The following PTPRD variants were observed in gnomAD, a reference collection of about 807,000 sequenced individuals.
PTPRD encodes receptor-type tyrosine-protein phosphatase delta.
Under a neutral mutation model 214.5 loss-of-function variants are expected in PTPRD, and 34 were observed. That is an observed-to-expected ratio of 0.16 (90% CI 0.12 to 0.21). The LOEUF (loss-of-function observed/expected upper bound fraction) is 0.21. Among genes scored for constraint, PTPRD ranks in the 10% least tolerant of loss-of-function variants. PTPRD has a pLI of 1.00. For missense variants in PTPRD, 2,545 were observed against 2,398.7 expected (o/e 1.06, Z -1.27); for synonymous variants, 1,128 against 845.7 (o/e 1.33, Z -5.79).
intron 33 of PTPRD, among the ~76,000 whole-genome samples, chr9:8,458,710 C>G (rs2096286430): frequency 1.3e-5 from 2 of 152,026 alleles, no homozygotes; most frequent in African/African-American, 4.8e-5. Flanking sequence ...GCTTCCTGCC[C>G]TTATCTCTTA....
intron 3 of PTPRD, among the ~76,000 whole-genome samples, chr9:10,052,181 A>T (rs980625852): frequency 6.6e-6 from 1 of 152,122 alleles, no homozygotes; most frequent in Non-Finnish European, 1.5e-5. Flanking sequence ...TATTATTTAC[A>T]TTGTAATCTG....
In PTPRD at chr9:8,733,947, C is replaced by T; in HGVS notation, c.-103-1G>A. The T allele has an allele frequency of 8.6e-7, 1 of 1,158,358 alleles. No individual in the cohort carries two copies. The highest frequency in any genetic ancestry group is 1.2e-6 in the Non-Finnish European group (1 of 804,914). The allele number at this position is 1,158,358 out of a possible 1,614,324, so 71.8% of individuals were successfully genotyped here. Reference sequence around the variant, plus strand: ...ATTTCAGCTGGAACACTTTCAGAGCCTGAAAGCGGGGAGGAAGAGAAAAGA... The same window carrying T: ...ATTTCAGCTGGAACACTTTCAGAGCTTGAAAGCGGGGAGGAAGAGAAAAGA... On this transcript the variant is annotated splice_acceptor_variant, in intron 11 of 45. Coordinates refer to ENST00000381196, the MANE Select transcript of PTPRD (RefSeq NM_002839.4). LOFTEE classifies it low-confidence loss of function (5UTR_SPLICE).
chr9:10,419,757 G>A (rs1200309845), intron 2 of PTPRD, among the ~76,000 whole-genome samples: 1 of 151,562 alleles, frequency 6.6e-6, no homozygotes, highest in Non-Finnish European at 1.5e-5. Flanking sequence ...TATTTCCTGT[G>A]AGCTCATTAT....
At chr9:8,739,607 T>G (rs2091402307) in intron 11 of PTPRD, among the ~76,000 whole-genome samples, 1 of 152,130 alleles carries the variant, frequency 6.6e-6, no homozygotes, top group African/African-American at 2.4e-5. Context: ...AACAATGAGG[T>G]GAGAATTCTG....
intron 5 of PTPRD, among the ~76,000 whole-genome samples, chr9:9,841,567 G>C (rs926006595): frequency 6.6e-6 from 1 of 152,056 alleles, no homozygotes; most frequent in Non-Finnish European, 1.5e-5. Context: ...CTAGAACATG[G>C]ACCTAGCGAT....
chr9:9,699,097 T>A (rs565463998), intron 7 of PTPRD, among the ~76,000 whole-genome samples: 68 of 152,314 alleles, frequency 4.5e-4, no homozygotes, highest in Middle Eastern at 3.4e-3. Flanking sequence ...TTTCTTCAAT[T>A]AAGAATAATC....
intron 8 of PTPRD, among the ~76,000 whole-genome samples, chr9:9,473,010 A>G (rs930180738): frequency 2.0e-5 from 3 of 152,176 alleles, no homozygotes; most frequent in African/African-American, 7.2e-5. Flanking sequence ...TTTTGAAAAT[A>G]TATATGAAAT....
chr9:8,887,442 G>A (rs1712709238), intron 11 of PTPRD, among the ~76,000 whole-genome samples: 2 of 152,150 alleles, frequency 1.3e-5, no homozygotes. Context: ...CACTGGGTGA[G>A]CAAAAGTTGT....
chr9:10,014,219 G>A (rs533967570), intron 4 of PTPRD, among the ~76,000 whole-genome samples: 2 of 151,934 alleles, frequency 1.3e-5, no homozygotes, highest in Non-Finnish European at 2.9e-5. Flanking sequence ...CTTAAAGCAG[G>A]AAAATAAATG....
chr9:9,774,748 G>A (rs1046165833), intron 5 of PTPRD, among the ~76,000 whole-genome samples: 2 of 152,120 alleles, frequency 1.3e-5, no homozygotes, highest in Non-Finnish European at 2.9e-5. Flanking sequence ...CTAAGTAAAT[G>A]CTAATCATTA....
At chr9:9,321,530 G>A (rs1966520471) in intron 9 of PTPRD, among the ~76,000 whole-genome samples, 1 of 139,846 alleles carries the variant, frequency 7.2e-6, no homozygotes, top group Non-Finnish European at 1.5e-5. Flanking sequence ...ACCCCAGCCT[G>A]GGCAACAAGA....
At chr9:9,275,192 A>ATGT (rs1482086352) in intron 9 of PTPRD, among the ~76,000 whole-genome samples, 1 of 18,516 alleles carries the variant, frequency 5.4e-5, no homozygotes, top group African/African-American at 2.1e-4. Context: ...TGTTATATAT[A>ATGT]TATATATTAT....
chr9:10,550,982 T>A (rs1385664701), intron 2 of PTPRD, among the ~76,000 whole-genome samples: 1 of 152,210 alleles, frequency 6.6e-6, no homozygotes, highest in Non-Finnish European at 1.5e-5. Flanking sequence ...TTGCCCTTCA[T>A]AACCAAAACC....
At chr9:8,928,414 T>C (rs1177311213) in intron 11 of PTPRD, among the ~76,000 whole-genome samples, 3 of 152,216 alleles carry the variant, frequency 2.0e-5, no homozygotes, top group Non-Finnish European at 4.4e-5. Flanking sequence ...TTCAGTTTTC[T>C]GCATATGGCT....
chr9:10,392,298 A>G (rs1037924302), intron 2 of PTPRD, among the ~76,000 whole-genome samples: 1 of 151,946 alleles, frequency 6.6e-6, no homozygotes, highest in African/African-American at 2.4e-5. Context: ...AGGTGGCATT[A>G]CTTTGAATCA....
intron 2 of PTPRD, among the ~76,000 whole-genome samples, chr9:10,517,356 T>C (rs2050482121): frequency 6.6e-6 from 1 of 152,020 alleles, no homozygotes; most frequent in South Asian, 2.1e-4. Flanking sequence ...TCATAATAAA[T>C]TTTGCAGATA....
At chr9:8,804,773 A>G (rs1457999067) in intron 11 of PTPRD, among the ~76,000 whole-genome samples, 1 of 152,190 alleles carries the variant, frequency 6.6e-6, no homozygotes, top group Non-Finnish European at 1.5e-5. Flanking sequence ...CTGAAGAAAT[A>G]AGAGTAACTG....
At chr9:9,988,325 G>A (rs7037146) in intron 4 of PTPRD, among the ~76,000 whole-genome samples, 2 of 152,026 alleles carry the variant, frequency 1.3e-5, no homozygotes, top group African/African-American at 4.8e-5. Flanking sequence ...TTAGTGTTTT[G>A]TTTTCTCTAT....
chr9:10,432,709 G>A (rs1379411592), intron 2 of PTPRD, among the ~76,000 whole-genome samples: 2 of 151,928 alleles, frequency 1.3e-5, no homozygotes, highest in Non-Finnish European at 2.9e-5. Context: ...AAAGGACAAC[G>A]TTAAATGTTT....
Sources: allele counts gnomAD v4.1 joint callset (sites outside exome capture counted in the v4.1 genomes callset), GRCh38; gene constraint gnomAD v4.1.1; transcripts MANE v1.5; gene names NCBI Gene and HGNC (gene_info 2026-07-23, HGNC 2026-07-21).